MCMBP: variants seen among roughly 807,000 people sequenced by gnomAD.
MCMBP encodes the protein minichromosome maintenance complex binding protein.
In MCMBP, 31 loss-of-function variants were observed where a neutral mutation model predicts 81.3. The observed-to-expected ratio is 0.38, with a 90% CI of 0.29 to 0.51. The LOEUF is 0.51. Ranked by LOEUF, MCMBP falls within the 20% of genes least tolerant of loss-of-function variation. MCMBP has a pLI of 0.87. For synonymous variants in MCMBP, 267 were observed against 275.9 expected (o/e 0.97, Z 0.32); for missense variants, 645 against 772.1 (o/e 0.84, Z 1.95).
chr10:119,873,001 C>T (rs1256225762), upstream of MCMBP, among the ~76,000 whole-genome samples: 2 of 151,856 alleles, frequency 1.3e-5, no homozygotes, highest in East Asian at 3.9e-4. Context: ...AGGAAGGGCA[C>T]GCAGCGCCGC....
At chr10:119,836,580 C>T (rs1456290815) in intron 13 of MCMBP, among the ~76,000 whole-genome samples, 1 of 152,132 alleles carries the variant, frequency 6.6e-6, no homozygotes. Flanking sequence ...TCAAAGGTAG[C>T]AAGAACAGAA....
At position 119,830,497 on chromosome 10, in the gene MCMBP, A is replaced by C. The variant is rs1851981676; in HGVS notation, c.*977T>G. ...AATGCCAAAAATCCAATAGAATCAAAGCAACTCAATGACATTTAAGAAAAT... is the reference window on the plus strand; with the variant it reads ...AATGCCAAAAATCCAATAGAATCAACGCAACTCAATGACATTTAAGAAAAT... On this transcript the variant is annotated 3_prime_UTR_variant, in exon 16 of 16. Coordinates refer to ENST00000369077, the MANE Select transcript of MCMBP (RefSeq NM_001256378.2). The C allele has an allele frequency of 2.0e-5, 3 of 152,222 alleles. No individual in the cohort carries two copies. The highest frequency in any genetic ancestry group is 2.0e-4 in the Admixed American group (3 of 15,280). The allele number at this position is 152,222 out of a possible 1,614,324, so 9.4% of individuals were successfully genotyped here.
intron 8 of MCMBP, among the ~76,000 whole-genome samples, chr10:119,844,175 T>C (rs1409635149): frequency 6.6e-6 from 1 of 152,198 alleles, no homozygotes; most frequent in Non-Finnish European, 1.5e-5. Flanking sequence ...TCTTGCTAAT[T>C]GTTTTTCCTA....
At position 119,836,968 on chromosome 10, in the gene MCMBP, G is replaced by T. The variant is rs1309686319; in HGVS notation, c.1470C>A (p.Phe490Leu). Residue 490 changes from phenylalanine to leucine, a missense_variant, in exon 13 of 16, where the codon TTC becomes TTA. Coordinates refer to ENST00000369077, the MANE Select transcript of MCMBP (RefSeq NM_001256378.2). ...LITWQKVDYD[F>L]SYHQMEFPCN... ...AGGGGAATTCCATCTGATGGTAGCT[G>T]AAGTCATAATCCACCTTCTGCCACG... is the stretch of plus-strand genomic sequence containing the variant. The T allele has an allele frequency of 6.2e-7, 1 of 1,613,742 alleles. No homozygotes were observed.
chr10:119,852,210 A>G (rs1030995513), intron 6 of MCMBP, among the ~76,000 whole-genome samples: 1 of 151,734 alleles, frequency 6.6e-6, no homozygotes, highest in African/African-American at 2.4e-5. Flanking sequence ...GCAGATAGTA[A>G]ATGACCAGAC....
In MCMBP at chr10:119,834,018, G is replaced by A. The variant is rs554636840; in HGVS notation, c.1707+1522C>T. Among the ~76,000 whole-genome samples, 10 of 152,198 alleles carry A rather than the reference G, an allele frequency of 6.6e-5. No homozygotes were observed. The South Asian group carries it at 1.2e-3, about 19-fold the overall frequency. ...AGAAAATCACTAAATTTGAAGATAA[G>A]TTCACTGAGATTAGTCTAAGAAACA... On this transcript the variant is annotated intron_variant, in intron 14 of 15. Transcript: ENST00000369077.
intron 9 of MCMBP, chr10:119,843,015 A>G (rs1852489636): frequency 4.4e-6 from 2 of 452,300 alleles, no homozygotes; most frequent in East Asian, 4.9e-5. Flanking sequence ...GGCCTCCTAA[A>G]GTGCTAAGAT....
At chr10:119,843,622 T>A (rs1852517372) in intron 8 of MCMBP, among the ~76,000 whole-genome samples, 196 bp from the exon 9 acceptor site, 2 of 152,196 alleles carry the variant, frequency 1.3e-5, no homozygotes, top group South Asian at 2.1e-4. Flanking sequence ...AGACATATCA[T>A]GAAATAATGC....
At chr10:119,867,114 G>A (rs1853488218) in intron 1 of MCMBP, among the ~76,000 whole-genome samples, 1 of 151,782 alleles carries the variant, frequency 6.6e-6, no homozygotes, top group Admixed American at 6.6e-5. Context: ...CCAACACGGT[G>A]AAGCCCCGAC....
chr10:119,863,376 T>C (rs1853329300), intron 1 of MCMBP, among the ~76,000 whole-genome samples: 1 of 152,200 alleles, frequency 6.6e-6, no homozygotes, highest in Non-Finnish European at 1.5e-5. Flanking sequence ...TGTTAAATTG[T>C]TCATGTCTTT....
At chr10:119,863,728 CAAAAAAAAAAAAAAAAAAAAAAA>C (rs57266961) in intron 1 of MCMBP, among the ~76,000 whole-genome samples, 68 of 20,204 alleles carry the variant, frequency 3.4e-3, no homozygotes, top group Admixed American at 5.5e-3. Context: ...GGCTCAGACT[CAAAAAAAAAAAAAAAAAAAAAAA>C]AAAAAAAAAA....
intron 1 of MCMBP, among the ~76,000 whole-genome samples, chr10:119,867,520 A>C (rs1260447189): frequency 6.6e-6 from 1 of 152,068 alleles, no homozygotes. Context: ...GTCCTACCTA[A>C]CTCTGTGCCA....
intron 11 of MCMBP, among the ~76,000 whole-genome samples, chr10:119,839,599 A>G (rs926203078): frequency 6.6e-6 from 1 of 152,192 alleles, no homozygotes; most frequent in Non-Finnish European, 1.5e-5. Flanking sequence ...TGTGGTCCCG[A>G]GAACCCCCAG....
intron 1 of MCMBP, among the ~76,000 whole-genome samples, chr10:119,868,040 G>C (rs1589803543): frequency 6.6e-6 from 1 of 152,228 alleles, no homozygotes; most frequent in South Asian, 2.1e-4. Context: ...GCTCTTTTTT[G>C]CATGAGCTAG....
chr10:119,868,619 C>A (rs764913665), intron 1 of MCMBP, among the ~76,000 whole-genome samples: 1 of 152,046 alleles, frequency 6.6e-6, no homozygotes, highest in Non-Finnish European at 1.5e-5. Context: ...CCTGAATTCG[C>A]GGGGTCAAAA....
intron 1 of MCMBP, among the ~76,000 whole-genome samples, chr10:119,864,606 G>A (rs1385220675): frequency 6.8e-6 from 1 of 148,110 alleles, no homozygotes; most frequent in Non-Finnish European, 1.5e-5. Context: ...AGAGCTTTGA[G>A]TTTCACTGAT....
chr10:119,837,294 G>A (rs936176211), intron 12 of MCMBP, among the ~76,000 whole-genome samples: 1 of 152,018 alleles, frequency 6.6e-6, no homozygotes, highest in African/African-American at 2.4e-5. Context: ...TAGTTCCCAA[G>A]TATGATTATT....
intron 5 of MCMBP, among the ~76,000 whole-genome samples, chr10:119,855,235 A>G (rs2134382365): frequency 6.6e-6 from 1 of 152,336 alleles, no homozygotes; most frequent in East Asian, 1.9e-4. Flanking sequence ...AATATTTTGA[A>G]TTAAATGACA....
intron 2 of MCMBP, 129 bp from the exon 3 acceptor site, chr10:119,859,310 G>C: frequency 1.4e-6 from 1 of 717,754 alleles, no homozygotes; most frequent in Non-Finnish European, 2.1e-6. Flanking sequence ...ACACACCCAT[G>C]CCACATCAGA....
Sources: allele counts gnomAD v4.1 joint callset (sites outside exome capture counted in the v4.1 genomes callset), GRCh38; gene constraint gnomAD v4.1.1; transcripts MANE v1.5; gene names NCBI Gene and HGNC (gene_info 2026-07-23, HGNC 2026-07-21).